The following IGF1R variants were observed in gnomAD, a reference collection of about 807,000 sequenced individuals.
IGF1R encodes insulin-like growth factor 1 receptor.
In IGF1R, 44 loss-of-function variants were observed where a neutral mutation model predicts 144.6. The observed-to-expected ratio is 0.30, with a 90% CI of 0.24 to 0.39. The LOEUF is 0.39. Ranked by LOEUF, IGF1R falls within the 10% of genes least tolerant of loss-of-function variation. The pLI, the probability that IGF1R is intolerant of heterozygous loss-of-function variation, is 1.00. For missense variants in IGF1R, 1,355 were observed against 1,833.7 expected (o/e 0.74, Z 4.77); for synonymous variants, 795 against 722.8 (o/e 1.10, Z -1.60).
At chr15:98,780,160 A>T in intron 2 of IGF1R, among the ~76,000 whole-genome samples, 1 of 151,916 alleles carries the variant, frequency 6.6e-6, no homozygotes, top group East Asian at 2.0e-4. Flanking sequence ...TAATAAAAAA[A>T]TAAATAAAAT....
intron 1 of IGF1R, among the ~76,000 whole-genome samples, chr15:98,675,983 G>A (rs1444284313): frequency 1.3e-5 from 2 of 150,968 alleles, no homozygotes; most frequent in Non-Finnish European, 3.0e-5. Flanking sequence ...GCGCCACCAC[G>A]CCTGGCTATT....
At chr15:98,939,147 C>G (rs542972028) in intron 17 of IGF1R, 54 bp from the exon 18 acceptor site, 2 of 1,482,734 alleles carry the variant, frequency 1.3e-6, no homozygotes, top group African/African-American at 2.8e-5. Flanking sequence ...AAGAAATTGG[C>G]ATGGAAAAAA....
chr15:98,729,563 CTTT>C (rs5814895), intron 2 of IGF1R, among the ~76,000 whole-genome samples: 5 of 145,996 alleles, frequency 3.4e-5, no homozygotes, highest in Non-Finnish European at 6.0e-5. Flanking sequence ...CCCTAATGTG[CTTT>C]TTTTTTTTTT....
intron 2 of IGF1R, among the ~76,000 whole-genome samples, chr15:98,885,815 TA>T (rs2013612582): frequency 7.3e-6 from 1 of 137,828 alleles, no homozygotes. Context: ...TTGAGTCTCC[TA>T]TTTTTTTTTT....
chr15:98,663,599 G>A (rs533700902), intron 1 of IGF1R, among the ~76,000 whole-genome samples: 4 of 152,350 alleles, frequency 2.6e-5, no homozygotes, highest in Non-Finnish European at 5.9e-5. Flanking sequence ...GAGCGCTGTT[G>A]TTGTTCGTTT....
intron 2 of IGF1R, among the ~76,000 whole-genome samples, chr15:98,762,718 C>T (rs1413357860): frequency 6.6e-6 from 1 of 151,768 alleles, no homozygotes; most frequent in Admixed American, 6.6e-5. Flanking sequence ...GTGAGTGAAA[C>T]TCTGTCTCCA....
intron 2 of IGF1R, among the ~76,000 whole-genome samples, chr15:98,831,741 A>T (rs1454349022): frequency 6.6e-6 from 1 of 152,242 alleles, no homozygotes; most frequent in Non-Finnish European, 1.5e-5. Context: ...AGGGAAAATG[A>T]ATATTTCCCT....
At chr15:98,651,118 G>C in intron 1 of IGF1R, 1 of 957,658 alleles carries the variant, frequency 1.0e-6, no homozygotes, top group Non-Finnish European at 1.2e-6. Context: ...AGGTGGTGCC[G>C]ATTAACTTTG....
chr15:98,887,961 T>C (rs2013721041), intron 2 of IGF1R, among the ~76,000 whole-genome samples: 1 of 152,252 alleles, frequency 6.6e-6, no homozygotes, highest in Non-Finnish European at 1.5e-5. Flanking sequence ...GGGACAGGCC[T>C]TCAGTGCCTC....
At chr15:98,893,839 T>C (rs776524306) in intron 3 of IGF1R, among the ~76,000 whole-genome samples, 3 of 152,220 alleles carry the variant, frequency 2.0e-5, no homozygotes, top group Non-Finnish European at 4.4e-5. Context: ...CCTTTTTGTT[T>C]AAAAATAAAA....
At chr15:98,775,775 C>A (rs1483038091) in intron 2 of IGF1R, among the ~76,000 whole-genome samples, 1 of 152,206 alleles carries the variant, frequency 6.6e-6, no homozygotes, top group Non-Finnish European at 1.5e-5. Flanking sequence ...GGCCCCACCC[C>A]AGGGTTTCCG....
chr15:98,724,874 G>A lies in IGF1R; in HGVS notation c.640+16767G>A, dbSNP rs904321517. Among the ~76,000 whole-genome samples, 14 of 152,178 alleles carry A rather than the reference G, an allele frequency of 9.2e-5. No homozygotes were observed. The South Asian group carries it at 1.2e-3, about 14-fold the overall frequency. ...GCGCTGCCATTAAAACAAAGGCATCGGCCCTGGAATAGAGAAGTTCAGTGA... is the reference window on the plus strand; with the variant it reads ...GCGCTGCCATTAAAACAAAGGCATCAGCCCTGGAATAGAGAAGTTCAGTGA... On this transcript the variant is annotated intron_variant, in intron 2 of 20. Transcript: ENST00000650285.
chr15:98,650,706 G>C (rs1376737311), intron 1 of IGF1R, among the ~76,000 whole-genome samples: 1 of 152,262 alleles, frequency 6.6e-6, no homozygotes. Flanking sequence ...GCGGCGGCGC[G>C]GGGAGGGTGT....
intron 1 of IGF1R, among the ~76,000 whole-genome samples, chr15:98,696,946 A>G (rs997744816): frequency 1.3e-5 from 2 of 152,194 alleles, no homozygotes; most frequent in Non-Finnish European, 2.9e-5. Context: ...GCCTCAGTGA[A>G]GAAGTCAGGG....
At chr15:98,702,288 A>T (rs2053756127) in intron 1 of IGF1R, among the ~76,000 whole-genome samples, 1 of 152,118 alleles carries the variant, frequency 6.6e-6, no homozygotes, top group South Asian at 2.1e-4. Context: ...GAAAATACCT[A>T]AGAGTATTTT....
At chr15:98,789,370 C>G (rs529440348) in intron 2 of IGF1R, among the ~76,000 whole-genome samples, 31 of 152,252 alleles carry the variant, frequency 2.0e-4, no homozygotes, top group South Asian at 1.0e-3. Flanking sequence ...AAAACCACAA[C>G]TTTAATTTAT....
intron 2 of IGF1R, among the ~76,000 whole-genome samples, chr15:98,752,819 G>A (rs1481512702): frequency 6.6e-6 from 1 of 151,858 alleles, no homozygotes; most frequent in Non-Finnish European, 1.5e-5. Context: ...TTCAATTTTA[G>A]TTAAAATGCA....
At chr15:98,676,991 A>T (rs2053063570) in intron 1 of IGF1R, among the ~76,000 whole-genome samples, 1 of 151,926 alleles carries the variant, frequency 6.6e-6, no homozygotes, top group African/African-American at 2.4e-5. Context: ...GCTGGAGTGC[A>T]GTGGTGCGGT....
At chr15:98,823,207 T>C (rs966904785) in intron 2 of IGF1R, among the ~76,000 whole-genome samples, 1 of 152,242 alleles carries the variant, frequency 6.6e-6, no homozygotes, top group Non-Finnish European at 1.5e-5. Context: ...GCTGTTCCTC[T>C]CTCTTTCTGT....
Sources: gnomAD v4.1 joint callset for allele counts (sites outside exome capture counted in the v4.1 genomes callset) on GRCh38, gnomAD v4.1.1 for gene constraint, MANE v1.5 for transcripts, NCBI Gene and HGNC (gene_info 2026-07-23, HGNC 2026-07-21) for gene names.